CFAP90: variants seen among roughly 807,000 people sequenced by gnomAD.
CFAP90 encodes cilia and flagella associated protein 90, also known as cilia- and flagella-associated protein 90.
At chr5:7,840,247 C>T in the CFAP90 span, among the ~76,000 whole-genome samples, 1 of 152,188 alleles carries the variant, frequency 6.6e-6, no homozygotes, top group East Asian at 1.9e-4. Context: ...TGATCACCTA[C>T]CCTCAGTTTC....
At chr5:7,849,490 T>C in the CFAP90 span, among the ~76,000 whole-genome samples, 10 of 152,206 alleles carry the variant, frequency 6.6e-5, 1 homozygote, top group Non-Finnish European at 1.3e-4. Flanking sequence ...CAGTTACGCC[T>C]GCAGGCTGAG....
the CFAP90 span, among the ~76,000 whole-genome samples, chr5:7,835,891 C>T: frequency 6.6e-6 from 1 of 152,292 alleles, no homozygotes; most frequent in Non-Finnish European, 1.5e-5. Flanking sequence ...GACTGGGTGA[C>T]TTATAGGCAA....
the CFAP90 span, among the ~76,000 whole-genome samples, chr5:7,841,221 G>GA: frequency 6.6e-6 from 1 of 152,066 alleles, no homozygotes; most frequent in Non-Finnish European, 1.5e-5. Flanking sequence ...CAACAAACAT[G>GA]AAAAAAAGCT....
chr5:7,839,155 T>A, the CFAP90 span, among the ~76,000 whole-genome samples: 1 of 152,198 alleles, frequency 6.6e-6, no homozygotes, highest in African/African-American at 2.4e-5. Flanking sequence ...ACTCATTCAC[T>A]AACGCAGTAA....
the CFAP90 span, among the ~76,000 whole-genome samples, chr5:7,834,735 T>A: frequency 2.0e-5 from 3 of 152,234 alleles, no homozygotes; most frequent in Non-Finnish European, 4.4e-5. Flanking sequence ...TGTGTTTTAA[T>A]CCTTTACAAT....
At chr5:7,830,758 CTAAA>C in the CFAP90 span, 5 of 152,228 alleles carry the variant, frequency 3.3e-5, no homozygotes, top group African/African-American at 9.6e-5. Context: ...CCATTCACTG[CTAAA>C]CTGTGGGAAA....
chr5:7,831,628 C>T, the CFAP90 span: 1 of 474,536 alleles, frequency 2.1e-6, no homozygotes. Flanking sequence ...ATCAGAGACT[C>T]TTCACATGTA....
chr5:7,835,035 G>A, the CFAP90 span, among the ~76,000 whole-genome samples: 1 of 152,156 alleles, frequency 6.6e-6, no homozygotes, highest in Non-Finnish European at 1.5e-5. Context: ...TCACTATTAA[G>A]TGAATCATAC....
chr5:7,842,325 A>C, the CFAP90 span, among the ~76,000 whole-genome samples: 2 of 151,704 alleles, frequency 1.3e-5, no homozygotes, highest in Non-Finnish European at 2.9e-5. Context: ...AAAAAAAAAA[A>C]ACAACAGAAA....
At chr5:7,832,047 A>G in the CFAP90 span, 1 of 1,600,460 alleles carries the variant, frequency 6.2e-7, no homozygotes, top group Non-Finnish European at 8.6e-7. Context: ...AAGTTATCAA[A>G]GCACATAGTC....
the CFAP90 span, chr5:7,831,813 AGGGTATCGGACATGCCCTGTGGGCCACG>A: frequency 7.4e-5 from 116 of 1,575,728 alleles, no homozygotes; most frequent in Non-Finnish European, 9.5e-5. Flanking sequence ...GCCAGGCCAC[AGGGTATCGGACATGCCCTGTGGGCCACG>A]GGGATGCTTC....
chr5:7,848,472 G>A, the CFAP90 span, among the ~76,000 whole-genome samples: 3 of 152,274 alleles, frequency 2.0e-5, no homozygotes, highest in Middle Eastern at 6.8e-3. Context: ...TGGATGACGT[G>A]GCTTAACCAA....
chr5:7,831,136 T>C, the CFAP90 span: 2 of 152,198 alleles, frequency 1.3e-5, no homozygotes, highest in Admixed American at 1.3e-4. Flanking sequence ...GCAACCAGAA[T>C]TTTACCCAAG....
the CFAP90 span, among the ~76,000 whole-genome samples, chr5:7,833,750 C>T: frequency 1.3e-5 from 2 of 152,176 alleles, no homozygotes; most frequent in African/African-American, 4.8e-5. Flanking sequence ...ACGGTAGTCC[C>T]GTAAGGTTAT....
At chr5:7,849,187 G>C in the CFAP90 span, among the ~76,000 whole-genome samples, 4 of 152,144 alleles carry the variant, frequency 2.6e-5, no homozygotes, top group African/African-American at 9.7e-5. Flanking sequence ...CAATTCAACC[G>C]ACAGCAGTTG....
chr5:7,841,163 T>C, the CFAP90 span, among the ~76,000 whole-genome samples: 1 of 151,704 alleles, frequency 6.6e-6, no homozygotes, highest in Non-Finnish European at 1.5e-5. Context: ...CCGTTAAAAA[T>C]TGGGCAAAGG....
chr5:7,847,354 G>C, the CFAP90 span, among the ~76,000 whole-genome samples: 1 of 152,124 alleles, frequency 6.6e-6, no homozygotes, highest in Non-Finnish European at 1.5e-5. Flanking sequence ...CAAACTGCAT[G>C]GAAAAAAATT....
chr5:7,851,073 A>G, the CFAP90 span: 2 of 1,234,828 alleles, frequency 1.6e-6, no homozygotes, highest in Admixed American at 4.2e-5. Flanking sequence ...CCGCCCGCCC[A>G]GGGGCCCAGT....
chr5:7,839,736 C>T, the CFAP90 span, among the ~76,000 whole-genome samples: 1 of 152,184 alleles, frequency 6.6e-6, no homozygotes, highest in Non-Finnish European at 1.5e-5. Context: ...CTAGGAATCT[C>T]ACTGCTTGTG....
Sources: gnomAD v4.1 joint callset for allele counts (sites outside exome capture counted in the v4.1 genomes callset) on GRCh38, gnomAD v4.1.1 for gene constraint, MANE v1.5 for transcripts, NCBI Gene and HGNC (gene_info 2026-07-23, HGNC 2026-07-21) for gene names.